CACNB4: variants seen among roughly 807,000 people sequenced by gnomAD.
CACNB4 encodes voltage-dependent L-type calcium channel subunit beta-4.
A neutral mutation model predicts 71.2 loss-of-function variants in CACNB4; 32 were observed. That is an observed-to-expected ratio of 0.45 (90% confidence interval 0.34 to 0.60). CACNB4 has a LOEUF of 0.60. CACNB4 is among the 20% of genes least tolerant of loss of function. The pLI is 0.01. For missense variants in CACNB4, 464 were observed against 647.9 expected (o/e 0.72, Z 3.08); for synonymous variants, 231 against 236.9 (o/e 0.97, Z 0.23).
intron 2 of CACNB4, among the ~76,000 whole-genome samples, chr2:152,048,120 T>G (rs1158013199): frequency 6.6e-6 from 1 of 152,098 alleles, no homozygotes; most frequent in East Asian, 1.9e-4. Flanking sequence ...ACCAGATGAC[T>G]CTTTGTTATG....
intron 2 of CACNB4, among the ~76,000 whole-genome samples, chr2:151,921,596 C>T (rs1440233471): frequency 6.6e-6 from 1 of 152,158 alleles, no homozygotes; most frequent in Non-Finnish European, 1.5e-5. Context: ...TGGCCTTTTC[C>T]AGCTTCTAAA....
chr2:151,835,477 T>C lies in CACNB4; in HGVS notation c.*3642A>G, dbSNP rs1272453457. ...CAGATTGTCTTCTCTAGAGAAGAGG[T>C]AGTAAATATATCAGTACATAGGGTA... On this transcript the variant is annotated 3_prime_UTR_variant, in exon 14 of 14. Coordinates refer to ENST00000539935, the MANE Select transcript of CACNB4 (RefSeq NM_000726.5). 3 of 151,832 alleles carry C rather than the reference T, an allele frequency of 2.0e-5. No individual in the cohort carries two copies. The highest frequency in any genetic ancestry group is 6.6e-5 in the Admixed American group (1 of 15,246). The allele number at this position is 151,832 out of a possible 1,614,324, so 9.4% of individuals were successfully genotyped here.
At chr2:151,973,575 C>T (rs1255616245) in intron 2 of CACNB4, 12 of 1,134,738 alleles carry the variant, frequency 1.1e-5, no homozygotes, top group East Asian at 2.5e-5. Context: ...ATGTTCCCTG[C>T]GTTGCCTAAG....
At chr2:151,888,633 G>A (rs986950270) in intron 2 of CACNB4, among the ~76,000 whole-genome samples, 2 of 152,154 alleles carry the variant, frequency 1.3e-5, no homozygotes, top group Admixed American at 1.3e-4. Flanking sequence ...TGGAAGTGCT[G>A]GGCTTCCTAG....
At chr2:151,890,090 C>T (rs1578660565) in intron 2 of CACNB4, among the ~76,000 whole-genome samples, 1 of 152,266 alleles carries the variant, frequency 6.6e-6, no homozygotes, top group East Asian at 1.9e-4. Flanking sequence ...GATAAGTATA[C>T]ATTCCCAGCA....
At chr2:152,006,838 A>G (rs968527365) in intron 2 of CACNB4, among the ~76,000 whole-genome samples, 1 of 152,140 alleles carries the variant, frequency 6.6e-6, no homozygotes, top group Admixed American at 6.5e-5. Context: ...TTCCTTAGCC[A>G]GCTCCTATCT....
At chr2:151,855,185 A>G (rs1475908743) in intron 11 of CACNB4, 39 bp downstream of exon 11, 2 of 1,414,006 alleles carry the variant, frequency 1.4e-6, no homozygotes, top group South Asian at 1.6e-5. Flanking sequence ...TTTTTAAAAG[A>G]TGCACTTCTA....
intron 2 of CACNB4, among the ~76,000 whole-genome samples, chr2:151,924,618 T>G (rs1003568941): frequency 6.6e-6 from 1 of 151,972 alleles, no homozygotes; most frequent in African/African-American, 2.4e-5. Flanking sequence ...TGTAATATGA[T>G]GAAGGTGAAT....
chr2:151,974,106 T>C (rs2099873326), intron 2 of CACNB4: 1 of 284,298 alleles, frequency 3.5e-6, no homozygotes, highest in Non-Finnish European at 5.5e-6. Flanking sequence ...GTTTCGCCTG[T>C]ATTGTTAGTT....
At chr2:152,041,294 C>T (rs1483051263) in intron 2 of CACNB4, among the ~76,000 whole-genome samples, 2 of 152,160 alleles carry the variant, frequency 1.3e-5, no homozygotes, top group Non-Finnish European at 2.9e-5. Flanking sequence ...TGTTCTTAAG[C>T]TCAAGAATCT....
intron 2 of CACNB4, among the ~76,000 whole-genome samples, chr2:152,017,716 A>C (rs2176740): frequency 0.41 from 62,148 of 151,674 alleles, 15,593 homozygotes; most frequent in Non-Finnish European, 0.57. Context: ...TCAACAACAA[A>C]AAAAAAAAGA....
chr2:151,845,051 C>A (rs1232248788), intron 12 of CACNB4, among the ~76,000 whole-genome samples: 1 of 152,188 alleles, frequency 6.6e-6, no homozygotes, highest in African/African-American at 2.4e-5. Context: ...GTAAGCAGCA[C>A]CTATGGCAGA....
rs776424565 is a variant in CACNB4, at chr2:152,098,593, C to T, written c.64-180G>A. ...CCACCCCCACCCACCCACTGCAAGC[C>T]TCGACTGCTGAAAAGATGCTCGAGA... On this transcript the variant is annotated intron_variant, in intron 1 of 13. Coordinates refer to ENST00000539935, the MANE Select transcript of CACNB4 (RefSeq NM_000726.5). The surrounding 1 kb of genome is among the most constrained non-coding windows in gnomAD (Gnocchi z 5.3). The T allele has an allele frequency of 7.2e-7, 1 of 1,380,908 alleles. No individual in the cohort carries two copies. Among genetic ancestry groups the T allele is most frequent in the South Asian group, 1.2e-5 (1 of 80,848 alleles). The allele number at this position is 1,380,908 out of a possible 1,614,324, so 85.5% of individuals were successfully genotyped here.
chr2:152,053,168 T>C (rs910728648), intron 2 of CACNB4, among the ~76,000 whole-genome samples: 4 of 152,094 alleles, frequency 2.6e-5, no homozygotes, highest in South Asian at 2.1e-4. Context: ...CTAGGTAGCT[T>C]CAAGAAGGGG....
At chr2:151,863,307 C>G (rs1252909631) in intron 9 of CACNB4, among the ~76,000 whole-genome samples, 1 of 152,196 alleles carries the variant, frequency 6.6e-6, no homozygotes, top group African/African-American at 2.4e-5. Flanking sequence ...CTCAGGTGAT[C>G]TACCCACCTC....
At chr2:151,913,164 C>T (rs1254020648) in intron 2 of CACNB4, among the ~76,000 whole-genome samples, 1 of 152,176 alleles carries the variant, frequency 6.6e-6, no homozygotes, top group African/African-American at 2.4e-5. Flanking sequence ...AGCCCATTTA[C>T]ACTTAAGGTT....
intron 2 of CACNB4, among the ~76,000 whole-genome samples, chr2:152,088,406 A>G (rs943875298): frequency 6.6e-6 from 1 of 152,208 alleles, no homozygotes; most frequent in Non-Finnish European, 1.5e-5. Context: ...TGCTAAAAAA[A>G]TTTTCCATAA....
chr2:151,925,710 G>A (rs995581462), intron 2 of CACNB4, among the ~76,000 whole-genome samples: 1 of 148,616 alleles, frequency 6.7e-6, no homozygotes, highest in Non-Finnish European at 1.5e-5. Context: ...TGGGGAGGGT[G>A]GGGAGGCTAG....
At chr2:152,075,988 T>A (rs1312422003) in intron 2 of CACNB4, among the ~76,000 whole-genome samples, 5 of 152,164 alleles carry the variant, frequency 3.3e-5, no homozygotes, top group Admixed American at 3.3e-4. Flanking sequence ...GTAGCTAATA[T>A]CCCTGAAATC....
Sources: allele counts gnomAD v4.1 joint callset (sites outside exome capture counted in the v4.1 genomes callset), GRCh38; gene constraint gnomAD v4.1.1; non-coding constraint Gnocchi (gnomAD v3.1); transcripts MANE v1.5; gene names NCBI Gene and HGNC (gene_info 2026-07-23, HGNC 2026-07-21).